RAD51B: variants seen among roughly 807,000 people sequenced by gnomAD.
RAD51B encodes the protein RAD51 paralog B, also known as DNA repair protein RAD51 homolog 2.
In RAD51B, 38 loss-of-function variants were observed where a neutral mutation model predicts 42.2. That is an observed-to-expected ratio of 0.90 (90% CI 0.70 to 1.18). The LOEUF is 1.18. Ranked by LOEUF, RAD51B falls within the 50% of genes most tolerant of loss-of-function variation. RAD51B has a pLI of 0.00. For missense variants in RAD51B, 373 were observed against 400.7 expected (o/e 0.93, Z 0.59); for synonymous variants, 154 against 145.2 (o/e 1.06, Z -0.43).
At chr14:68,288,066 A>G (rs2081446727) in intron 7 of RAD51B, among the ~76,000 whole-genome samples, 1 of 152,318 alleles carries the variant, frequency 6.6e-6, no homozygotes. Flanking sequence ...AGTCTTTCCC[A>G]TGGAGCAAAG....
rs546802269 is a variant in RAD51B at position 68,342,346 on chromosome 14, A to G, written c.853+50366A>G. On this transcript the variant is annotated intron_variant, in intron 8 of 10. Coordinates refer to ENST00000471583, the MANE Select transcript of RAD51B (RefSeq NM_133510.4). The stretch of plus-strand genomic sequence containing the variant: ...AAGTCTTTGTTCTCTAGGAGGAAGG[A>G]TTTTCCCTAAGTCACTCTTGGCCTT... 9.9e-5 allele frequency among the ~76,000 whole-genome samples: 15 copies of G among 152,274 alleles called. No homozygotes were observed. The South Asian group carries it at 3.1e-3, about 32-fold the overall frequency.
intron 7 of RAD51B, among the ~76,000 whole-genome samples, chr14:68,196,169 C>T (rs1448326615): frequency 3.4e-5 from 5 of 147,132 alleles, no homozygotes; most frequent in Non-Finnish European, 7.4e-5. Context: ...CCAGCCTGGG[C>T]GACAGAGTGA....
intron 10 of RAD51B, chr14:68,468,455 G>A (rs772644028): frequency 2.3e-5 from 16 of 681,056 alleles, no homozygotes; most frequent in South Asian, 1.3e-4. Flanking sequence ...AGGTAGGGCC[G>A]AAGGAGACCT....
intron 8 of RAD51B, among the ~76,000 whole-genome samples, chr14:68,377,980 T>C (rs2083405877): frequency 6.6e-6 from 1 of 152,246 alleles, no homozygotes; most frequent in Non-Finnish European, 1.5e-5. Flanking sequence ...AAATAAGTCT[T>C]AAGTTTGTTA....
At chr14:68,300,828 G>A (rs541844978) in intron 8 of RAD51B, among the ~76,000 whole-genome samples, 1 of 152,318 alleles carries the variant, frequency 6.6e-6, no homozygotes, top group Admixed American at 6.5e-5. Context: ...ACATTAGCTA[G>A]CGCAGGCTGT....
chr14:68,046,202 C>T (rs1456980193), intron 7 of RAD51B, among the ~76,000 whole-genome samples: 2 of 152,212 alleles, frequency 1.3e-5, no homozygotes, highest in East Asian at 1.9e-4. Flanking sequence ...TGGCTCACTG[C>T]AGCCTTGACC....
At chr14:68,533,885 C>A (rs1887459701) in intron 10 of RAD51B, among the ~76,000 whole-genome samples, 1 of 152,040 alleles carries the variant, frequency 6.6e-6, no homozygotes, top group South Asian at 2.1e-4. Flanking sequence ...TGGGTTTAAC[C>A]AAATTTGAAG....
At chr14:67,824,294 G>A (rs2040734729) in intron 2 of RAD51B, among the ~76,000 whole-genome samples, 1 of 152,022 alleles carries the variant, frequency 6.6e-6, no homozygotes, top group African/African-American at 2.4e-5. Flanking sequence ...GTCTCACTCT[G>A]TTGCCCAGGC....
chr14:68,119,014 T>G (rs2077597318), intron 7 of RAD51B, among the ~76,000 whole-genome samples: 1 of 152,058 alleles, frequency 6.6e-6, no homozygotes, highest in South Asian at 2.1e-4. Context: ...TGGAGTGCAG[T>G]TGTGCGATCA....
intron 7 of RAD51B, among the ~76,000 whole-genome samples, chr14:67,918,962 G>A (rs1281647864): frequency 1.3e-5 from 2 of 152,180 alleles, no homozygotes; most frequent in Admixed American, 1.3e-4. Context: ...AATGGGGAAT[G>A]TAACACTGGA....
chr14:68,680,785 T>C (rs569023191), intron 11 of RAD51B, among the ~76,000 whole-genome samples: 4 of 152,302 alleles, frequency 2.6e-5, no homozygotes, highest in Admixed American at 1.3e-4. Flanking sequence ...CTGTGATTTC[T>C]GAACTCAATT....
At chr14:67,982,781 A>G (rs2075119526) in intron 7 of RAD51B, among the ~76,000 whole-genome samples, 1 of 150,106 alleles carries the variant, frequency 6.7e-6, no homozygotes. Context: ...GTGAAGGTCC[A>G]GGTGTGGTGG....
intron 10 of RAD51B, among the ~76,000 whole-genome samples, chr14:68,641,930 C>A (rs1892471062): frequency 6.6e-6 from 1 of 151,832 alleles, no homozygotes; most frequent in Non-Finnish European, 1.5e-5. Flanking sequence ...GTTGAACCAG[C>A]ATTGCATACC....
At chr14:68,439,970 A>G (rs2085245887) in intron 9 of RAD51B, among the ~76,000 whole-genome samples, 1 of 152,184 alleles carries the variant, frequency 6.6e-6, no homozygotes, top group African/African-American at 2.4e-5. Context: ...TGAATGCCCT[A>G]ATGACATGGA....
chr14:68,343,056 T>G (rs1162994672), intron 8 of RAD51B, among the ~76,000 whole-genome samples: 3 of 151,906 alleles, frequency 2.0e-5, no homozygotes, highest in Non-Finnish European at 4.4e-5. Context: ...CACAATGTAA[T>G]GTTATAATTA....
chr14:68,612,099 C>G (rs1422000159), downstream of RAD51B, among the ~76,000 whole-genome samples: 1 of 152,194 alleles, frequency 6.6e-6, no homozygotes, highest in Non-Finnish European at 1.5e-5. Context: ...TTCTACACAA[C>G]TTGGGACAGA....
At chr14:68,532,173 A>G (rs1317425413) in intron 10 of RAD51B, among the ~76,000 whole-genome samples, 9 of 152,216 alleles carry the variant, frequency 5.9e-5, no homozygotes, top group Non-Finnish European at 1.3e-4. Context: ...TCAATAAAAG[A>G]TGTGTTTAAA....
At chr14:67,915,285 G>C (rs2044114236) in intron 7 of RAD51B, among the ~76,000 whole-genome samples, 1 of 152,176 alleles carries the variant, frequency 6.6e-6, no homozygotes, top group South Asian at 2.1e-4. Flanking sequence ...CAGAAGAAGG[G>C]GGGGATTAGG....
chr14:67,831,659 C>T (rs893919996), intron 3 of RAD51B, among the ~76,000 whole-genome samples: 13 of 152,138 alleles, frequency 8.5e-5, no homozygotes, highest in Non-Finnish European at 1.6e-4. Context: ...GCCTCAGCCC[C>T]CTGAGTAGCT....
Sources: gnomAD v4.1 joint callset for allele counts (sites outside exome capture counted in the v4.1 genomes callset) on GRCh38, gnomAD v4.1.1 for gene constraint, MANE v1.5 for transcripts, NCBI Gene and HGNC (gene_info 2026-07-23, HGNC 2026-07-21) for gene names.